Variants in NUP98 observed in about 807,000 individuals in gnomAD.
NUP98 encodes nucleoporin 98 and 96 precursor, also known as nuclear pore complex protein Nup98-Nup96.
Under a neutral mutation model 191.9 loss-of-function variants are expected in NUP98, and 26 were observed. That is an observed-to-expected ratio of 0.14 (90% CI 0.10 to 0.19). The LOEUF is 0.19. Ranked by LOEUF, NUP98 falls within the 10% of genes least tolerant of loss-of-function variation. NUP98 has a pLI of 1.00. For missense variants in NUP98, 1,941 were observed against 2,178.8 expected, an observed-to-expected ratio of 0.89 and a Z score of 2.17; for synonymous variants, 808 against 778.4, an observed-to-expected ratio of 1.04 and a Z score of -0.63.
chr11:3,721,720 G>A (rs971781117), intron 16 of NUP98, among the ~76,000 whole-genome samples: 45 of 151,008 alleles, frequency 3.0e-4, no homozygotes, highest in African/African-American at 1.0e-3. Context: ...AGGGAGGAAG[G>A]AAGAAAAGAA....
chr11:3,768,867 T>C, intron 7 of NUP98, 123 bp from the exon 8 acceptor site: 1 of 627,448 alleles, frequency 1.6e-6, no homozygotes, highest in Non-Finnish European at 2.4e-6. Flanking sequence ...CTACCCTTCA[T>C]TCACTACTTG....
chr11:3,679,081 C>A lies in NUP98; in HGVS notation c.5073+473G>T, dbSNP rs2077907448. 3.4e-5 allele frequency among the ~76,000 whole-genome samples: 5 copies of A among 147,818 alleles called. No individual in the cohort carries two copies. In the Admixed American group the frequency reaches 3.4e-4, roughly 10 times the overall value. On this transcript the variant is annotated intron_variant, in intron 31 of 32. Transcript: ENST00000324932. ...GAGGTTGCAGTGAGCCACGATCACA[C>A]CACTGCACTCCAGCCTGGATGACAG... is the stretch of plus-strand genomic sequence containing the variant.
chr11:3,781,080 G>A (rs2081951572), intron 2 of NUP98, among the ~76,000 whole-genome samples: 2 of 151,446 alleles, frequency 1.3e-5, no homozygotes, highest in Admixed American at 1.3e-4. Context: ...TAGCTACTTA[G>A]GAGGCTGAGG....
In NUP98 at chr11:3,712,673, T is replaced by C. The variant is rs371985812; in HGVS notation, c.2633A>G (p.His878Arg). ...CTTCTTTGTACTAGTTTTAGACGGA[T>C]GCTCCTCCTCCTCTTCATCAGAATC... Reference protein sequence around the residue: ...LQDSDEEEEEHPSKTSTKKLK... With the variant: ...LQDSDEEEEERPSKTSTKKLK... Residue 878 changes from histidine (H) to arginine (R), a missense_variant, in exon 20 of 33, where the codon CAT becomes CGT. Physicochemically the swap from His to Arg is conservative, Grantham distance 29. Transcript: ENST00000324932. 31 of 1,613,322 alleles carry C rather than the reference T, an allele frequency of 1.9e-5. No individual in the cohort carries two copies. Among genetic ancestry groups the C allele is most frequent in the Non-Finnish European group, 2.4e-5 (28 of 1,180,014 alleles).
At position 3,700,673 on chromosome 11, in the gene NUP98, C is replaced by T; in HGVS notation, c.3679G>A (p.Ala1227Thr). The T allele has an allele frequency of 1.2e-6, 2 of 1,614,186 alleles. No individual in the cohort carries two copies. Among genetic ancestry groups the T allele is most frequent in the Non-Finnish European group, 8.5e-7 (1 of 1,180,020 alleles). Residue 1227 changes from alanine to threonine, a missense_variant, in exon 24 of 33, where the codon GCT (alanine) becomes ACT (threonine). Ala to Thr is a moderately conservative substitution (Grantham distance 58). Coordinates refer to ENST00000324932, the MANE Select transcript of NUP98 (RefSeq NM_016320.5). ...CPLIVPNLGVAVIHDYADWVK... is the reference protein window; with the variant it reads ...CPLIVPNLGVTVIHDYADWVK... ...CAATCTGCATAGTCATGAATGACAG[C>T]AACTCCCAGATTGGGGACAATGAGA...
intron 22 of NUP98, among the ~76,000 whole-genome samples, chr11:3,704,624 AAAACATGAACCT>A (rs2078803777): frequency 6.6e-6 from 1 of 152,218 alleles, no homozygotes; most frequent in Non-Finnish European, 1.5e-5. Context: ...TAAGCAAACA[AAAACATGAACCT>A]AAACAAAGCA....
intron 2 of NUP98, among the ~76,000 whole-genome samples, chr11:3,779,544 G>A (rs940244628): frequency 1.3e-5 from 2 of 151,846 alleles, no homozygotes; most frequent in African/African-American, 4.8e-5. Flanking sequence ...GGGAGGCTGA[G>A]GCAGGAGAAC....
intron 28 of NUP98, among the ~76,000 whole-genome samples, chr11:3,686,483 A>G (rs919839999): frequency 2.6e-5 from 4 of 152,182 alleles, no homozygotes; most frequent in African/African-American, 7.2e-5. Flanking sequence ...GAGTCTTCAC[A>G]GTTCTCACCC....
chr11:3,698,882 TA>T, intron 25 of NUP98, 199 bp downstream of exon 25: 1 of 619,432 alleles, frequency 1.6e-6, no homozygotes, highest in Non-Finnish European at 2.8e-6. Flanking sequence ...TTTAGGACCT[TA>T]AACATTGTTT....
At chr11:3,745,357 G>A (rs1040478020) in intron 11 of NUP98, among the ~76,000 whole-genome samples, 1 of 152,040 alleles carries the variant, frequency 6.6e-6, no homozygotes, top group Non-Finnish European at 1.5e-5. Context: ...AAAGCTCAAC[G>A]TCTTCTGGTG....
Position 3,779,690 on chromosome 11 carries a change from C to T in NUP98, c.77-433G>A, listed in dbSNP as rs562462776. Reference sequence around the variant, plus strand: ...TTTGAACTACTAGTCTAATTAAAAACATTTTTTCAAAATCCCATCAGAGTA... The same window carrying T: ...TTTGAACTACTAGTCTAATTAAAAATATTTTTTCAAAATCCCATCAGAGTA... On this transcript the variant is annotated intron_variant, in intron 2 of 32. Coordinates refer to ENST00000324932, the MANE Select transcript of NUP98 (RefSeq NM_016320.5). Among the ~76,000 whole-genome samples the T allele has an allele frequency of 4.6e-5, 7 of 151,308 alleles. No homozygotes were observed. The South Asian group carries it at 1.0e-3, about 23-fold the overall frequency.
intron 1 of NUP98, among the ~76,000 whole-genome samples, chr11:3,784,283 T>C (rs2082068407): frequency 6.6e-6 from 1 of 152,152 alleles, no homozygotes; most frequent in Admixed American, 6.6e-5. Context: ...GTCCCTTAAA[T>C]AAATGCTTTA....
At chr11:3,756,948 C>T (rs931268782) in intron 10 of NUP98, among the ~76,000 whole-genome samples, 2 of 151,636 alleles carry the variant, frequency 1.3e-5, no homozygotes, top group Non-Finnish European at 2.9e-5. Context: ...ATTAGCCAGA[C>T]GTGGCAGCAT....
chr11:3,735,109 T>C, intron 13 of NUP98, 82 bp downstream of exon 13: 18 of 1,325,990 alleles, frequency 1.4e-5, no homozygotes, highest in Non-Finnish European at 1.8e-5. Flanking sequence ...TCCCTTAATA[T>C]ATACAGGCAA....
intron 1 of NUP98, among the ~76,000 whole-genome samples, chr11:3,792,457 A>G (rs1252980473): frequency 6.6e-6 from 1 of 151,988 alleles, no homozygotes; most frequent in Non-Finnish European, 1.5e-5. Flanking sequence ...CAAAAAATAC[A>G]AAAATTAGCC....
At chr11:3,797,116 G>GA (rs1316487201) in intron 1 of NUP98, among the ~76,000 whole-genome samples, 1 of 152,254 alleles carries the variant, frequency 6.6e-6, no homozygotes, top group East Asian at 1.9e-4. Flanking sequence ...ACCACTGAAT[G>GA]AATGAGTACA....
In NUP98 at chr11:3,769,425, T is replaced by A. The variant is rs2081445084; in HGVS notation, c.785-681A>T. On this transcript the variant is annotated intron_variant, in intron 7 of 32. Coordinates refer to ENST00000324932, the MANE Select transcript of NUP98 (RefSeq NM_016320.5). ...TGGGTGACAGAGCTAGACAGTGTCCTCCAACCCCCACCAAAAAAACAGAAA... is the reference window on the plus strand; with the variant it reads ...TGGGTGACAGAGCTAGACAGTGTCCACCAACCCCCACCAAAAAAACAGAAA... 5.3e-5 allele frequency among the ~76,000 whole-genome samples: 8 copies of A among 151,224 alleles called. No homozygotes were observed. In the South Asian group the frequency reaches 1.7e-3, roughly 32 times the overall value.
intron 1 of NUP98, among the ~76,000 whole-genome samples, chr11:3,789,995 G>C (rs191664303): frequency 6.6e-6 from 1 of 152,140 alleles, no homozygotes; most frequent in Non-Finnish European, 1.5e-5. Flanking sequence ...AAGTTGGCCA[G>C]GATGGTCTCG....
At position 3,686,152 on chromosome 11, in the gene NUP98, T is replaced by A; in HGVS notation, c.4497A>T (p.Thr1499=). Residue 1499 remains threonine, a synonymous_variant, in exon 29 of 33, where the codon ACA becomes ACT. Transcript: ENST00000324932. The stretch of plus-strand genomic sequence containing the variant: ...TTAGGCGGTAGTCCAAAGGATCTGC[T>A]GTTATGCTTCGAGGCTCCAGCAGCT... ...LNQLLEPRSI[T]ADPLDYRLSW... 6.2e-7 allele frequency: 1 copy of A among 1,614,268 alleles called. No homozygotes were observed.
Sources: gnomAD v4.1 joint callset for allele counts (sites outside exome capture counted in the v4.1 genomes callset) on GRCh38, gnomAD v4.1.1 for gene constraint, MANE v1.5 for transcripts, NCBI Gene and HGNC (gene_info 2026-07-23, HGNC 2026-07-21) for gene names.